Variants in AOPEP observed in about 807,000 individuals in gnomAD.
AOPEP encodes aminopeptidase O (putative).
AOPEP carries 77 observed loss-of-function variants against 98.1 expected under a neutral mutation model. The observed-to-expected ratio is 0.78, with a 90% CI of 0.65 to 0.95. The LOEUF (loss-of-function observed/expected upper bound fraction) is 0.95. AOPEP is among the 40% of genes least tolerant of loss of function. The pLI, the probability that AOPEP is intolerant of heterozygous loss-of-function variation, is 0.00. For missense variants in AOPEP, 1,024 were observed against 1,024.7 expected (o/e 1.00, Z 0.01); for synonymous variants, 346 against 365.3 (o/e 0.95, Z 0.60).
chr9:94,768,719 C>G (rs1446751938), intron 2 of AOPEP, among the ~76,000 whole-genome samples: 1 of 152,252 alleles, frequency 6.6e-6, no homozygotes, highest in Non-Finnish European at 1.5e-5. Flanking sequence ...CTCTCATTCC[C>G]ACAACTCCTG....
rs779767548 is a variant in AOPEP, at chr9:94,800,826, G to A, written c.1188G>A (p.Glu396=). 5.0e-6 allele frequency: 8 copies of A among 1,614,202 alleles called. No individual in the cohort carries two copies. Among genetic ancestry groups the A allele is most frequent in the Non-Finnish European group, 5.9e-6 (7 of 1,180,036 alleles). ...AGAATGCTTCTGCCACCACCCAGGA[G>A]ATCATTCCTCATCGGGTCTTTGCCC... ...RFQNASATTQ[E]IIPHRVFAPV... The change falls in exon 5 of 17, where the codon GAG becomes GAA. Residue 396 remains glutamate (E), a synonymous_variant. Transcript: ENST00000375315.
chr9:94,848,660 CA>C (rs1338313531), intron 5 of AOPEP, among the ~76,000 whole-genome samples: 3 of 147,122 alleles, frequency 2.0e-5, no homozygotes, highest in Non-Finnish European at 1.5e-5. Flanking sequence ...AACAAAAAAA[CA>C]AAAAAAAAAC....
chr9:94,934,253 A>G (rs1036035785), intron 7 of AOPEP, among the ~76,000 whole-genome samples: 10 of 120,428 alleles, frequency 8.3e-5, no homozygotes, highest in Admixed American at 1.7e-4. Flanking sequence ...TCTGTCCTCC[A>G]CCCTCCCTCC....
At chr9:94,731,655 C>T (rs897606592) in intron 1 of AOPEP, among the ~76,000 whole-genome samples, 3 of 151,914 alleles carry the variant, frequency 2.0e-5, no homozygotes, top group African/African-American at 4.8e-5. Flanking sequence ...ACTTTTAGAG[C>T]AGTTCTTTTG....
rs2138703142 is a variant in AOPEP at position 94,980,161 on chromosome 9, C to T, written c.1977+734C>T. On this transcript the variant is annotated intron_variant, in intron 11 of 16. Transcript: ENST00000375315. This position sits in a 1 kb window ranked among gnomAD's most constrained non-coding sequence, Gnocchi z 4.3. ...CACTCTCCTCTGGCCCTGTGCCTCC[C>T]AGAGACCATTGGACAGCCCAGGCCC... Among the ~76,000 whole-genome samples the T allele has an allele frequency of 6.6e-6, 1 of 152,350 alleles. No homozygotes were observed. Among genetic ancestry groups the T allele is most frequent in the South Asian group, 2.1e-4 (1 of 4,832 alleles).
At chr9:95,140,672 C>G in the AOPEP span, among the ~76,000 whole-genome samples, 3 of 152,162 alleles carry the variant, frequency 2.0e-5, no homozygotes, top group African/African-American at 7.2e-5. Context: ...GAGATCAAGG[C>G]TGTTTGGGTT....
In AOPEP at chr9:94,951,860, C is replaced by T. The variant is rs1021652999; in HGVS notation, c.1662-3317C>T. Among the ~76,000 whole-genome samples the T allele has an allele frequency of 5.3e-5, 8 of 152,154 alleles. No homozygotes were observed. The East Asian group carries it at 5.8e-4, about 11-fold the overall frequency. On this transcript the variant is annotated intron_variant, in intron 7 of 16. Transcript: ENST00000375315. ...CCACCAGGCTTGTGGGGAAGAGGTG[C>T]GGTAGCAGTCACATTTTCCCCCTTT...
At chr9:94,781,824 T>G (rs1843324934) in intron 3 of AOPEP, among the ~76,000 whole-genome samples, 1 of 151,000 alleles carries the variant, frequency 6.6e-6, no homozygotes. Flanking sequence ...CCTCCCAAAG[T>G]GCTGGGATTA....
In AOPEP at chr9:94,790,291, C is replaced by T. The variant is rs550635866; in HGVS notation, c.965-2474C>T. ...AAGCTATTCTCCTGCCTCAGCCTCC[C>T]GAGTAGCTGGGATTACAGGCACGTG... On this transcript the variant is annotated intron_variant, in intron 3 of 16. Transcript: ENST00000375315. 5.9e-5 allele frequency among the ~76,000 whole-genome samples: 9 copies of T among 152,114 alleles called. No homozygotes were observed. The East Asian group carries it at 1.2e-3, about 20-fold the overall frequency.
At chr9:94,873,014 G>A (rs2046524019) in intron 5 of AOPEP, among the ~76,000 whole-genome samples, 1 of 152,050 alleles carries the variant, frequency 6.6e-6, no homozygotes, top group African/African-American at 2.4e-5. Flanking sequence ...TATATCCAGG[G>A]GCAGTGAAGT....
rs189575112 is a variant in AOPEP, at chr9:95,044,340, A to G, written c.2116-16354A>G. On this transcript the variant is annotated intron_variant, in intron 13 of 16. Transcript: ENST00000375315. ...AAATGGAAACTTAGATCCTGCTACA[A>G]GAAGGTTACATTAATTCAAAACTGG... Among the ~76,000 whole-genome samples, 212 of 150,106 alleles carry G rather than the reference A, an allele frequency of 1.4e-3. 3 individuals are homozygous for G. Among genetic ancestry groups the G allele is most frequent in the Middle Eastern group, 3.5e-3 (1 of 284 alleles).
intron 5 of AOPEP, among the ~76,000 whole-genome samples, chr9:94,908,266 C>T (rs1258786493): frequency 6.6e-6 from 1 of 152,136 alleles, no homozygotes; most frequent in Non-Finnish European, 1.5e-5. Flanking sequence ...GCGATTTAGC[C>T]CAGGAGCCCT....
intron 5 of AOPEP, among the ~76,000 whole-genome samples, chr9:94,850,445 T>C (rs2043411936): frequency 6.6e-6 from 1 of 152,152 alleles, no homozygotes; most frequent in Non-Finnish European, 1.5e-5. Flanking sequence ...TGTGCACATA[T>C]GCCAGAGTTG....
rs1750674591 is a variant in AOPEP at position 94,980,891 on chromosome 9, A to G, written c.1977+1464A>G. Among the ~76,000 whole-genome samples the G allele has an allele frequency of 6.6e-6, 1 of 152,200 alleles. No homozygotes were observed. Among genetic ancestry groups the G allele is most frequent in the Admixed American group, 6.5e-5 (1 of 15,282 alleles). ...TGTGAATAACCAACCCTTTTCCTTC[A>G]TGTTTCAGATGGGAGTGCAGGTGGT... is the stretch of plus-strand genomic sequence containing the variant. On this transcript the variant is annotated intron_variant, in intron 11 of 16. Coordinates refer to ENST00000375315, the MANE Select transcript of AOPEP (RefSeq NM_001193329.3). The surrounding 1 kb of genome is among the most constrained non-coding windows in gnomAD (Gnocchi z 4.3).
At chr9:95,095,286 G>A in the AOPEP span, among the ~76,000 whole-genome samples, 2 of 152,038 alleles carry the variant, frequency 1.3e-5, no homozygotes, top group Non-Finnish European at 2.9e-5. Context: ...TGCCTGTTCC[G>A]CACTCTGTCA....
intron 13 of AOPEP, among the ~76,000 whole-genome samples, chr9:95,009,207 T>C (rs894618784): frequency 6.6e-6 from 1 of 152,038 alleles, no homozygotes; most frequent in South Asian, 2.1e-4. Flanking sequence ...AATGCACTTT[T>C]TTTTCTTTTT....
the AOPEP span, chr9:95,111,784 A>G: frequency 3.1e-6 from 3 of 959,154 alleles, no homozygotes; most frequent in Admixed American, 6.0e-5. Flanking sequence ...ATTTAGATTC[A>G]GAAAGCCTGT....
chr9:94,807,534 C>T (rs572453039), intron 5 of AOPEP, among the ~76,000 whole-genome samples: 4 of 152,266 alleles, frequency 2.6e-5, no homozygotes, highest in Admixed American at 6.5e-5. Context: ...GAGCCTGAGA[C>T]GGCCAGTCAG....
intron 1 of AOPEP, among the ~76,000 whole-genome samples, 185 bp downstream of exon 1, chr9:94,726,936 C>G (rs973900704): frequency 1.3e-5 from 2 of 152,206 alleles, no homozygotes; most frequent in Non-Finnish European, 2.9e-5. Context: ...GAAACCCATC[C>G]TGGGGACTGG....
Sources: allele counts gnomAD v4.1 joint callset (sites outside exome capture counted in the v4.1 genomes callset), GRCh38; gene constraint gnomAD v4.1.1; non-coding constraint Gnocchi (gnomAD v3.1); transcripts MANE v1.5; gene names NCBI Gene and HGNC (gene_info 2026-07-23, HGNC 2026-07-21).